Variants in RIF1 observed in about 807,000 individuals in gnomAD.
RIF1 encodes the protein replication timing regulatory factor 1, also known as telomere-associated protein RIF1.
A neutral mutation model predicts 247.1 loss-of-function variants in RIF1; 45 were observed. The ratio of observed to expected loss-of-function variants is 0.18; its 90% CI spans 0.14 to 0.23. The LOEUF is 0.23. RIF1 is among the 10% of genes least tolerant of loss of function. The pLI, the probability that RIF1 is intolerant of heterozygous loss-of-function variation, is 1.00. For synonymous variants in RIF1, 1,087 were observed against 978.8 expected (o/e 1.11, Z -2.06); for missense variants, 2,967 against 2,862.5 (o/e 1.04, Z -0.83).
chr2:151,464,659 T>C lies in RIF1; in HGVS notation c.5139T>C (p.Phe1713=). ...SDISSLSEKT[F]QTLECQHKRS... The stretch of plus-strand genomic sequence containing the variant: ...TTTCTTCGCTTTCAGAAAAAACTTT[T>C]CAAACACTTGAATGCCAACACAAGA... The change falls in exon 30 of 36, where the codon TTT becomes TTC. Residue 1713 remains phenylalanine, a synonymous_variant. Coordinates refer to ENST00000444746, the MANE Select transcript of RIF1 (RefSeq NM_018151.5). 5 of 1,613,304 alleles carry C rather than the reference T, an allele frequency of 3.1e-6. No homozygotes were observed. In the South Asian group the frequency reaches 4.4e-5, roughly 14 times the overall value.
chr2:151,436,490 ATGAT>A (rs1205867026), intron 11 of RIF1, among the ~76,000 whole-genome samples: 2 of 149,904 alleles, frequency 1.3e-5, no homozygotes, highest in Admixed American at 6.7e-5. Flanking sequence ...GTAGTGAACT[ATGAT>A]TGTACCACTG....
rs1459332133 is a variant in RIF1 at position 151,481,571 on chromosome 2, G to A, written c.*6500G>A. 2 of 152,138 alleles carry A rather than the reference G, an allele frequency of 1.3e-5. No individual in the cohort carries two copies. The highest frequency in any genetic ancestry group is 3.8e-4 in the East Asian group (2 of 5,196). 9.4% of individuals were successfully genotyped at this position (152,138 alleles called of 1,614,324 possible). A position where few individuals can be genotyped will look rare whatever the true frequency, so the allele number is the denominator to read the frequency against. On this transcript the variant is annotated 3_prime_UTR_variant, in exon 36 of 36. Transcript: ENST00000444746. ...TTGTTGTCCCGATCATTTGGTAAACGCTAAGAGAGCTTAGTTTTACATTCA... is the reference window on the plus strand; with the variant it reads ...TTGTTGTCCCGATCATTTGGTAAACACTAAGAGAGCTTAGTTTTACATTCA...
chr2:151,495,933 C>T (rs2059879550), intron 10 of RIF1, among the ~76,000 whole-genome samples: 2 of 152,116 alleles, frequency 1.3e-5, no homozygotes, highest in African/African-American at 2.4e-5. Flanking sequence ...CCGCATTGGA[C>T]CTACTCCACC....
chr2:151,516,492 G>A, the RIF1 span: 11 of 1,613,368 alleles, frequency 6.8e-6, no homozygotes, highest in Non-Finnish European at 9.3e-6. Flanking sequence ...CTTTGGCAGT[G>A]ATGTACGTTG....
the RIF1 span, among the ~76,000 whole-genome samples, chr2:151,526,700 A>G: frequency 6.6e-6 from 1 of 152,202 alleles, no homozygotes; most frequent in African/African-American, 2.4e-5. Context: ...CTGGTGCAGT[A>G]TAAATCGAGG....
intron 15 of RIF1, among the ~76,000 whole-genome samples, chr2:151,441,178 G>T (rs1692232930): frequency 6.6e-6 from 1 of 152,046 alleles, no homozygotes; most frequent in Non-Finnish European, 1.5e-5. Flanking sequence ...CCAAGATCGT[G>T]CCACTGCAAT....
intron 11 of RIF1, among the ~76,000 whole-genome samples, chr2:151,501,041 T>TTTTC: frequency 6.6e-6 from 1 of 152,332 alleles, no homozygotes; most frequent in Non-Finnish European, 1.5e-5. Context: ...GTCCAGTATC[T>TTTTC]TTTCTTGCAT....
intron 10 of RIF1, among the ~76,000 whole-genome samples, chr2:151,496,612 A>AT (rs935587153): frequency 8.6e-5 from 13 of 151,818 alleles, no homozygotes; most frequent in Admixed American, 6.6e-4. Context: ...TATCCATGTT[A>AT]TTTTTTTTCA....
Position 151,450,983 on chromosome 2 carries a change from T to G in RIF1, c.2245-623T>G, listed in dbSNP as rs536203670. ...GATAGAGAATCTGTGATCCTAGTATTTCCAATCTCAGTTTATTGGTTGATA... is the reference window on the plus strand; with the variant it reads ...GATAGAGAATCTGTGATCCTAGTATGTCCAATCTCAGTTTATTGGTTGATA... On this transcript the variant is annotated intron_variant, in intron 20 of 35. Coordinates refer to ENST00000444746, the MANE Select transcript of RIF1 (RefSeq NM_018151.5). 7.2e-5 allele frequency among the ~76,000 whole-genome samples: 11 copies of G among 152,346 alleles called. No individual in the cohort carries two copies. The South Asian group carries it at 2.3e-3, about 32-fold the overall frequency.
At chr2:151,436,042 G>A (rs1040418657) in intron 11 of RIF1, among the ~76,000 whole-genome samples, 1 of 151,978 alleles carries the variant, frequency 6.6e-6, no homozygotes, top group African/African-American at 2.4e-5. Flanking sequence ...TGGCCAACAC[G>A]GTGAAACCCA....
At chr2:151,483,956 A>G (rs1316374266), downstream of RIF1, among the ~76,000 whole-genome samples, 7 of 152,212 alleles carry the variant, frequency 4.6e-5, no homozygotes, top group African/African-American at 1.7e-4. Context: ...CCCTAGTGCC[A>G]AAAAGGCTGG....
Position 151,480,806 on chromosome 2 carries a change from A to G in RIF1, c.*5735A>G, listed in dbSNP as rs1444005690. On this transcript the variant is annotated 3_prime_UTR_variant, in exon 36 of 36. Transcript: ENST00000444746. Reference sequence around the variant, plus strand: ...AATAGGAAGTTTCTAAAAGAAAACAATTAAGAGCAAAATTGGTTTTGAGTA... The same window carrying G: ...AATAGGAAGTTTCTAAAAGAAAACAGTTAAGAGCAAAATTGGTTTTGAGTA... The G allele has an allele frequency of 2.0e-5, 3 of 150,250 alleles. No individual in the cohort carries two copies. Among genetic ancestry groups the G allele is most frequent in the Non-Finnish European group, 3.0e-5 (2 of 66,882 alleles). The allele number at this position is 150,250 out of a possible 1,614,324, so 9.3% of individuals were successfully genotyped here. A position where few individuals can be genotyped will look rare whatever the true frequency, so the allele number is the denominator to read the frequency against.
chr2:151,463,871 C>G lies in RIF1; in HGVS notation c.4351C>G (p.Leu1451Val). The G allele has an allele frequency of 6.2e-7, 1 of 1,613,116 alleles. No individual in the cohort carries two copies. The highest frequency in any genetic ancestry group is 8.5e-7 in the Non-Finnish European group (1 of 1,179,828). Residue 1451 changes from leucine to valine, a missense_variant, in exon 30 of 36, where the codon CTT (leucine) becomes GTT (valine). Physicochemically the swap from Leu to Val is conservative, Grantham distance 32 (BLOSUM62 1). Transcript: ENST00000444746. Reference protein sequence around the residue: ...KERRKEEEKPLQKSPLHIKDD... With the variant: ...KERRKEEEKPVQKSPLHIKDD... ...ACGACGTAAGGAAGAAGAAAAACCT[C>G]TTCAGAAGAGTCCATTGCATATAAA...
At chr2:151,468,198 A>G (rs1406402696) in intron 31 of RIF1, 52 bp downstream of exon 31, 39 of 1,436,232 alleles carry the variant, frequency 2.7e-5, no homozygotes, top group Middle Eastern at 1.8e-4. Context: ...ACAGAATTAC[A>G]TGTACATGAT....
At chr2:151,419,931 A>G (rs1687888687) in intron 6 of RIF1, among the ~76,000 whole-genome samples, 1 of 152,172 alleles carries the variant, frequency 6.6e-6, no homozygotes, top group Admixed American at 6.6e-5. Flanking sequence ...AGGTCCTGGA[A>G]CCAATCCCCC....
intron 12 of RIF1, among the ~76,000 whole-genome samples, chr2:151,505,294 A>G (rs1442225535): frequency 6.6e-6 from 1 of 152,178 alleles, no homozygotes; most frequent in Non-Finnish European, 1.5e-5. Context: ...CTCCTTGATT[A>G]TGAGAAAAGT....
intron 9 of RIF1, chr2:151,491,131 A>G (rs1275199092): frequency 6.5e-6 from 1 of 153,832 alleles, no homozygotes; most frequent in Non-Finnish European, 1.4e-5. Context: ...TCTAGGCTCA[A>G]GCTATCCTCC....
chr2:151,490,215 TC>T (rs2055183118), intron 9 of RIF1: 8 of 1,165,574 alleles, frequency 6.9e-6, no homozygotes, highest in Non-Finnish European at 9.7e-6. Flanking sequence ...AAATGAAACA[TC>T]TAACTTCATG....
chr2:151,443,445 G>A lies in RIF1; in HGVS notation c.1806-84G>A, dbSNP rs567434434. 2,020 of 1,387,462 alleles carry A rather than the reference G, an allele frequency of 1.5e-3. 1 individual carries two copies. Among genetic ancestry groups the A allele is most frequent in the Non-Finnish European group, 1.8e-3 (1,887 of 1,022,034 alleles). 85.9% of individuals were successfully genotyped at this position (1,387,462 alleles called of 1,614,324 possible). A position where few individuals can be genotyped will look rare whatever the true frequency, so the allele number is the denominator to read the frequency against. Reference sequence around the variant, plus strand: ...TTTAAAAAAAATTCGTTAACTTTTTGTCAGTTATTTTAGAATTTTGTTAAC... The same window carrying A: ...TTTAAAAAAAATTCGTTAACTTTTTATCAGTTATTTTAGAATTTTGTTAAC... On this transcript the variant is annotated intron_variant, in intron 17 of 35. Coordinates refer to ENST00000444746, the MANE Select transcript of RIF1 (RefSeq NM_018151.5).
Sources: allele counts gnomAD v4.1 joint callset (sites outside exome capture counted in the v4.1 genomes callset), GRCh38; gene constraint gnomAD v4.1.1; transcripts MANE v1.5; gene names NCBI Gene and HGNC (gene_info 2026-07-23, HGNC 2026-07-21).